The following CNTN5 variants were observed in gnomAD, a reference collection of about 807,000 sequenced individuals.
CNTN5 encodes the protein contactin 5.
Under a neutral mutation model 129.1 loss-of-function variants are expected in CNTN5, and 77 were observed. The ratio of observed to expected loss-of-function variants is 0.60; its 90% CI spans 0.50 to 0.72. The LOEUF is 0.72. CNTN5 is among the 30% of genes least tolerant of loss of function. The probability of loss-of-function intolerance (pLI) is 0.00; values close to 1 mark genes in which losing one functional copy is unlikely to be tolerated. For synonymous variants in CNTN5, 509 were observed against 465.6 expected (o/e 1.09, Z -1.20); for missense variants, 1,478 against 1,328.8 (o/e 1.11, Z -1.75).
chr11:99,292,658 T>C (rs1490871234), intron 1 of CNTN5, among the ~76,000 whole-genome samples: 1 of 152,082 alleles, frequency 6.6e-6, no homozygotes, highest in African/African-American at 2.4e-5. Flanking sequence ...TAAATTTTAT[T>C]TTTTTATTTT....
intron 1 of CNTN5, among the ~76,000 whole-genome samples, chr11:99,245,477 C>T (rs1394363298): frequency 1.3e-5 from 2 of 152,020 alleles, no homozygotes; most frequent in African/African-American, 4.8e-5. Context: ...GCCTCCATGC[C>T]CGGCTAATTT....
Position 99,325,338 on chromosome 11 carries a change from C to A in CNTN5, c.-209-8C>A, listed in dbSNP as rs1865737807. ...TTTATCACAATAGTATATATTATTT[C>A]TTAACAGGTGTCTTTAAAGGATTGC... On this transcript the variant is annotated splice_region_variant and splice_polypyrimidine_tract_variant and intron_variant, in intron 1 of 24. Coordinates refer to ENST00000524871, the MANE Select transcript of CNTN5 (RefSeq NM_014361.4). 2 of 151,976 alleles carry A rather than the reference C, an allele frequency of 1.3e-5. No individual in the cohort carries two copies. Among genetic ancestry groups the A allele is most frequent in the South Asian group, 4.2e-4 (2 of 4,814 alleles). The allele number at this position is 151,976 out of a possible 1,614,324, so 9.4% of individuals were successfully genotyped here. A position where few individuals can be genotyped will look rare whatever the true frequency, so the allele number is the denominator to read the frequency against.
intron 13 of CNTN5, among the ~76,000 whole-genome samples, chr11:100,174,392 G>T (rs1947903488): frequency 1.3e-5 from 2 of 152,056 alleles, no homozygotes; most frequent in South Asian, 4.1e-4. Context: ...ATAAACAATT[G>T]TATGATAGTT....
rs140651947 is a variant in CNTN5, at chr11:99,770,598, T to G, written c.56-48946T>G. Among the ~76,000 whole-genome samples, 478 of 152,196 alleles carry G rather than the reference T, an allele frequency of 3.1e-3. 6 individuals are homozygous for G. Among genetic ancestry groups the G allele is most frequent in the African/African-American group, 0.011 (461 of 41,552 alleles). ...TTCAAGTTTCCTATGTATTATGTCT[T>G]TATTTGTGTCTTTTTGAATTTCTTT... On this transcript the variant is annotated intron_variant, in intron 3 of 24. Transcript: ENST00000524871.
At chr11:99,386,565 G>A (rs773758442) in intron 2 of CNTN5, among the ~76,000 whole-genome samples, 22 of 152,060 alleles carry the variant, frequency 1.4e-4, no homozygotes, top group Admixed American at 2.6e-4. Context: ...GGTTTTAGCC[G>A]GCTTCTTTAA....
intron 6 of CNTN5, among the ~76,000 whole-genome samples, chr11:99,851,580 T>C (rs987697363): frequency 6.6e-6 from 1 of 152,192 alleles, no homozygotes; most frequent in African/African-American, 2.4e-5. Flanking sequence ...GTCAAACATA[T>C]AATGAATCAG....
chr11:99,422,518 T>TTATATATA (rs71046684), intron 2 of CNTN5, among the ~76,000 whole-genome samples: 7 of 83,370 alleles, frequency 8.4e-5, no homozygotes, highest in Non-Finnish European at 1.2e-4. Flanking sequence ...CTTTATATTT[T>TTATATATA]TATATATATA....
chr11:99,799,466 G>A lies in CNTN5; in HGVS notation c.56-20078G>A, dbSNP rs559763598. Among the ~76,000 whole-genome samples the A allele has an allele frequency of 1.1e-3, 165 of 151,822 alleles. 2 individuals carry two copies. The highest frequency in any genetic ancestry group is 3.5e-3 in the African/African-American group (146 of 41,440). Reference sequence around the variant, plus strand: ...AGAGTTTTTATCATGAAGCAAGGCCGGATTTTATCAAATGCTCTTCCTTGT... The same window carrying A: ...AGAGTTTTTATCATGAAGCAAGGCCAGATTTTATCAAATGCTCTTCCTTGT... On this transcript the variant is annotated intron_variant, in intron 3 of 24. Coordinates refer to ENST00000524871, the MANE Select transcript of CNTN5 (RefSeq NM_014361.4).
At chr11:99,754,421 T>C (rs1338993496) in intron 3 of CNTN5, among the ~76,000 whole-genome samples, 1 of 152,228 alleles carries the variant, frequency 6.6e-6, no homozygotes, top group Non-Finnish European at 1.5e-5. Context: ...ATTTATAATG[T>C]TGAAAAGTTT....
intron 23 of CNTN5, among the ~76,000 whole-genome samples, chr11:100,343,133 T>A (rs1309081240): frequency 6.6e-6 from 1 of 152,200 alleles, no homozygotes; most frequent in African/African-American, 2.4e-5. Flanking sequence ...CGTTAAAAGT[T>A]GCCTGCCAGT....
intron 2 of CNTN5, among the ~76,000 whole-genome samples, chr11:99,396,789 T>C (rs974080513): frequency 6.6e-6 from 1 of 151,752 alleles, no homozygotes; most frequent in Non-Finnish European, 1.5e-5. Context: ...TAAGAGCTAA[T>C]GATCAGGAAT....
intron 3 of CNTN5, among the ~76,000 whole-genome samples, chr11:99,782,738 T>G (rs184409205): frequency 6.6e-6 from 1 of 152,172 alleles, no homozygotes; most frequent in East Asian, 2.0e-4. Flanking sequence ...AAGGATTCCC[T>G]ATTTAATAAA....
At chr11:99,723,294 G>C (rs947455105) in intron 3 of CNTN5, among the ~76,000 whole-genome samples, 1 of 151,982 alleles carries the variant, frequency 6.6e-6, no homozygotes, top group African/African-American at 2.4e-5. Context: ...AATGTACATG[G>C]CTGGAGAAAA....
intron 1 of CNTN5, among the ~76,000 whole-genome samples, chr11:99,272,587 A>G (rs1863226716): frequency 6.6e-6 from 1 of 151,748 alleles, no homozygotes; most frequent in Non-Finnish European, 1.5e-5. Context: ...TAAATTAAGT[A>G]TAATTTTAAT....
intron 9 of CNTN5, among the ~76,000 whole-genome samples, chr11:100,024,136 A>G (rs1941295411): frequency 6.6e-6 from 1 of 152,198 alleles, no homozygotes; most frequent in Admixed American, 6.5e-5. Flanking sequence ...GGTGGAGGTA[A>G]CTGAATCATG....
At position 99,948,957 on chromosome 11, in the gene CNTN5, G is replaced by A. The variant is rs12276800; in HGVS notation, c.674-7849G>A. On this transcript the variant is annotated intron_variant, in intron 7 of 24. Coordinates refer to ENST00000524871, the MANE Select transcript of CNTN5 (RefSeq NM_014361.4). Reference sequence around the variant, plus strand: ...TAATAACTTATGGATACAGGGGAGAGGGTGCAAATAGCCTTTGCTGATACT... The same window carrying A: ...TAATAACTTATGGATACAGGGGAGAAGGTGCAAATAGCCTTTGCTGATACT... 5.2e-3 allele frequency among the ~76,000 whole-genome samples: 795 copies of A among 152,324 alleles called. 8 individuals carry two copies. Among genetic ancestry groups the A allele is most frequent in the African/African-American group, 0.017 (719 of 41,582 alleles).
rs76973570 is a variant in CNTN5, at chr11:99,749,725, T to C, written c.56-69819T>C. On this transcript the variant is annotated intron_variant, in intron 3 of 24. Transcript: ENST00000524871. ...ATGTGGGTTAAAAGGACAATCAGCT[T>C]ATATTTCCTACTATATTTTCATCTA... is the stretch of plus-strand genomic sequence containing the variant. Among the ~76,000 whole-genome samples, 76 of 152,328 alleles carry C rather than the reference T, an allele frequency of 5.0e-4. No individual in the cohort carries two copies. In the East Asian group the frequency reaches 0.014, roughly 28 times the overall value.
chr11:99,725,533 T>C (rs1565464229), intron 3 of CNTN5, among the ~76,000 whole-genome samples: 1 of 96,476 alleles, frequency 1.0e-5, no homozygotes. Context: ...TATTCAGCAT[T>C]TTAATCTTTG....
intron 1 of CNTN5, among the ~76,000 whole-genome samples, chr11:99,230,319 A>G (rs1444262382): frequency 6.6e-6 from 1 of 152,174 alleles, no homozygotes; most frequent in African/African-American, 2.4e-5. Context: ...GTGTATATAT[A>G]GATACAGATT....
Sources: gnomAD v4.1 joint callset for allele counts (sites outside exome capture counted in the v4.1 genomes callset) on GRCh38, gnomAD v4.1.1 for gene constraint, MANE v1.5 for transcripts, NCBI Gene and HGNC (gene_info 2026-07-23, HGNC 2026-07-21) for gene names.